NRBF2: variants seen among roughly 807,000 people sequenced by gnomAD.
The protein encoded by NRBF2 is nuclear receptor-binding factor 2.
Under a neutral mutation model 28.5 loss-of-function variants are expected in NRBF2, and 12 were observed. The ratio of observed to expected loss-of-function variants is 0.42; its 90% CI spans 0.27 to 0.68. NRBF2 has a LOEUF of 0.68. NRBF2 is among the 30% of genes least tolerant of loss of function. The pLI, the probability that NRBF2 is intolerant of heterozygous loss-of-function variation, is 0.24. For synonymous variants in NRBF2, 102 were observed against 116.5 expected (o/e 0.88, Z 0.80); for missense variants, 274 against 333.5 (o/e 0.82, Z 1.39).
At chr10:63,142,302 G>GTTTTTTTT (rs141743950) in intron 1 of NRBF2, among the ~76,000 whole-genome samples, 5 of 133,200 alleles carry the variant, frequency 3.8e-5, no homozygotes, top group Admixed American at 7.7e-5. Context: ...TGTTTTTTTT[G>GTTTTTTTT]TTTTTTTTGT....
intron 1 of NRBF2, among the ~76,000 whole-genome samples, chr10:63,135,678 C>T (rs569517992): frequency 1.4e-5 from 2 of 144,918 alleles, no homozygotes; most frequent in South Asian, 4.4e-4. Flanking sequence ...GATGGAGTCT[C>T]TCTCTGTCAC....
intron 2 of NRBF2, among the ~76,000 whole-genome samples, chr10:63,149,546 T>A (rs1564531400): frequency 1.3e-5 from 2 of 152,234 alleles, no homozygotes; most frequent in Non-Finnish European, 2.9e-5. Context: ...ATACTTTTGT[T>A]TCTATTGTGA....
At chr10:63,142,257 C>T (rs1589017988) in intron 1 of NRBF2, among the ~76,000 whole-genome samples, 2 of 151,640 alleles carry the variant, frequency 1.3e-5, no homozygotes. Flanking sequence ...GGTGGAATCT[C>T]AAGCCGTACT....
In NRBF2 at chr10:63,150,285, A is replaced by G. The variant is rs1017263985; in HGVS notation, c.116-1865A>G. 8 of 646,790 alleles carry G rather than the reference A, an allele frequency of 1.2e-5. No individual in the cohort carries two copies. The African/African-American group carries it at 1.4e-4, about 11-fold the overall frequency. The allele number at this position is 646,790 out of a possible 1,614,324, so 40.1% of individuals were successfully genotyped here. ...AGATTTAAACATGAACAAAAGGAAA[A>G]GAAATAGTATGCAGCTGTACAGACA... On this transcript the variant is annotated intron_variant, in intron 2 of 3. Coordinates refer to ENST00000277746, the MANE Select transcript of NRBF2 (RefSeq NM_030759.5).
chr10:63,136,250 G>C (rs1841377128), intron 1 of NRBF2, among the ~76,000 whole-genome samples: 1 of 151,496 alleles, frequency 6.6e-6, no homozygotes, highest in African/African-American at 2.4e-5. Context: ...CTCTGCCTCA[G>C]CCTCCTGAGT....
rs1387412846 is a variant in NRBF2 at position 63,153,871 on chromosome 10, A to G, written c.517A>G (p.Thr173Ala). The change falls in exon 4 of 4, where the codon ACC becomes GCC. Residue 173 changes from threonine to alanine, a missense_variant. Coordinates refer to ENST00000277746, the MANE Select transcript of NRBF2 (RefSeq NM_030759.5). Reference protein sequence around the residue: ...DDKTIIEEQATKIADLKRHVE... With the variant: ...DDKTIIEEQAAKIADLKRHVE... The stretch of plus-strand genomic sequence containing the variant: ...TAAAACAATTATAGAGGAGCAGGCA[A>G]CCAAAATTGCAGATTTGAAGAGGCA... 1 of 1,612,214 alleles carries G rather than the reference A, an allele frequency of 6.2e-7. No homozygotes were observed.
chr10:63,152,983 C>T (rs1841672452), intron 3 of NRBF2, among the ~76,000 whole-genome samples: 1 of 152,096 alleles, frequency 6.6e-6, no homozygotes, highest in African/African-American at 2.4e-5. Context: ...GCAACAGGGA[C>T]CCTGTCTCTA....
At chr10:63,138,734 ACT>A (rs71025114) in intron 1 of NRBF2, among the ~76,000 whole-genome samples, 93,799 of 148,536 alleles carry the variant, frequency 0.63, 32,187 homozygotes, top group Non-Finnish European at 0.78. Context: ...ACAGAGCGAG[ACT>A]CTGTCTCAAA....
intron 2 of NRBF2, among the ~76,000 whole-genome samples, chr10:63,150,797 T>A (rs556525045): frequency 1.3e-5 from 2 of 152,360 alleles, no homozygotes; most frequent in Admixed American, 1.3e-4. Context: ...CAGTCTCATC[T>A]AGGGGTGATG....
chr10:63,150,137 A>C (rs1409304120), intron 2 of NRBF2, among the ~76,000 whole-genome samples: 1 of 149,890 alleles, frequency 6.7e-6, no homozygotes, highest in Non-Finnish European at 1.5e-5. Context: ...TTTTTAGTAG[A>C]GACGGGGTTT....
chr10:63,146,645 A>C (rs778250727), intron 2 of NRBF2, among the ~76,000 whole-genome samples: 1 of 152,224 alleles, frequency 6.6e-6, no homozygotes, highest in Non-Finnish European at 1.5e-5. Flanking sequence ...AAAAATAGTA[A>C]TTCAATTCAA....
chr10:63,138,527 G>A (rs1224382987), intron 1 of NRBF2, among the ~76,000 whole-genome samples: 3 of 149,932 alleles, frequency 2.0e-5, no homozygotes, highest in African/African-American at 4.9e-5. Context: ...GGCAGATCAC[G>A]AGGTCAGGAG....
chr10:63,140,614 A>G (rs182784408), intron 1 of NRBF2, among the ~76,000 whole-genome samples: 69 of 151,558 alleles, frequency 4.6e-4, no homozygotes, highest in African/African-American at 1.5e-3. Context: ...GGGTCTCACT[A>G]TGTTGCCTAT....
intron 1 of NRBF2, among the ~76,000 whole-genome samples, chr10:63,140,589 T>C (rs1841447833): frequency 6.6e-6 from 1 of 152,108 alleles, no homozygotes; most frequent in African/African-American, 2.4e-5. Flanking sequence ...AATTTTTCTA[T>C]TTTTTGTAGA....
chr10:63,135,632 T>G (rs549576510), intron 1 of NRBF2, among the ~76,000 whole-genome samples: 1 of 151,906 alleles, frequency 6.6e-6, no homozygotes, highest in Admixed American at 6.6e-5. Context: ...TATCAGAAAT[T>G]TGGCATCTTG....
intron 2 of NRBF2, among the ~76,000 whole-genome samples, chr10:63,148,842 C>T (rs1841603382): frequency 6.6e-6 from 1 of 152,162 alleles, no homozygotes; most frequent in Non-Finnish European, 1.5e-5. Context: ...TTCTTTCATA[C>T]ACAACAAAAG....
chr10:63,133,474 G>C lies in NRBF2; in HGVS notation c.4G>C (p.Glu2Gln). 1 of 1,611,474 alleles carries C rather than the reference G, an allele frequency of 6.2e-7. No homozygotes were observed. Among genetic ancestry groups the C allele is most frequent in the Non-Finnish European group, 8.5e-7 (1 of 1,178,614 alleles). Residue 2 changes from glutamate to glutamine, a missense_variant, in exon 1 of 4, where the codon GAA becomes CAA. Glu to Gln is a conservative substitution (Grantham distance 29). Transcript: ENST00000277746. M[E>Q]VMEGPLNLAH... ...GCCGCCGCTTACCCCGGGGTCTATG[G>C]AAGTAATGGAAGGACCCCTCAACCT...
At chr10:63,148,563 G>C (rs1167895705) in intron 2 of NRBF2, among the ~76,000 whole-genome samples, 4 of 152,212 alleles carry the variant, frequency 2.6e-5, no homozygotes, top group African/African-American at 9.6e-5. Context: ...GAGAATTTAA[G>C]GGCAAACAGA....
chr10:63,140,078 C>CA (rs1247220726), intron 1 of NRBF2, among the ~76,000 whole-genome samples: 4 of 152,002 alleles, frequency 2.6e-5, no homozygotes, highest in Non-Finnish European at 4.4e-5. Context: ...GTTGTGGCTG[C>CA]AGTGAGCCGT....
Sources: allele counts gnomAD v4.1 joint callset (sites outside exome capture counted in the v4.1 genomes callset), GRCh38; gene constraint gnomAD v4.1.1; transcripts MANE v1.5; gene names NCBI Gene and HGNC (gene_info 2026-07-23, HGNC 2026-07-21).